ADH1A: variants seen among roughly 807,000 people sequenced by gnomAD.
ADH1A encodes the protein alcohol dehydrogenase 1A.
In ADH1A, 29 loss-of-function variants were observed where a neutral mutation model predicts 35.2. That is an observed-to-expected ratio of 0.82 (90% CI 0.61 to 1.12). The LOEUF (loss-of-function observed/expected upper bound fraction) is 1.12, where lower values mean the gene tolerates loss of function less well. Among genes scored for constraint, ADH1A ranks in the 50% most tolerant of loss-of-function variants. ADH1A has a pLI of 0.00. For missense variants in ADH1A, 469 were observed against 464.7 expected (o/e 1.01, Z -0.09); for synonymous variants, 147 against 164.8 (o/e 0.89, Z 0.83).
In ADH1A at chr4:99,290,901, C is replaced by T. The variant is rs868239723; in HGVS notation, c.14G>A (p.Gly5Glu). 6.2e-7 allele frequency: 1 copy of T among 1,613,844 alleles called. No individual in the cohort carries two copies. Among genetic ancestry groups the T allele is most frequent in the Non-Finnish European group, 8.5e-7 (1 of 1,179,812 alleles). Residue 5 changes from glycine to glutamate, a missense_variant, in exon 1 of 9, where the codon GGA becomes GAA. Physicochemically the swap from Gly to Glu is moderately conservative, Grantham distance 98 (BLOSUM62 -2). Coordinates refer to ENST00000209668, the MANE Select transcript of ADH1A (RefSeq NM_000667.4). Reference sequence around the variant, plus strand: ...AGTAATATATTTTTTGCTTACTTTTCCTGCTGTGCTCATGTTGATTCTGTC... The same window carrying T: ...AGTAATATATTTTTTGCTTACTTTTTCTGCTGTGCTCATGTTGATTCTGTC... MSTA[G>E]KVIKCKAAVL...
chr4:99,280,097 A>G (rs1490493876), intron 7 of ADH1A, 47 bp downstream of exon 7: 2 of 1,610,940 alleles, frequency 1.2e-6, no homozygotes, highest in Non-Finnish European at 1.7e-6. Context: ...AAAAGGGGAG[A>G]TATGCTGAGG....
At chr4:99,287,703 C>T (rs1315768353) in intron 1 of ADH1A, 38 bp from the exon 2 acceptor site, 2 of 1,605,944 alleles carry the variant, frequency 1.2e-6, no homozygotes. Context: ...CAGTGTTCTC[C>T]CACGCTTGCA....
At chr4:99,288,034 A>G (rs33991678) in intron 1 of ADH1A, among the ~76,000 whole-genome samples, 41,944 of 152,000 alleles carry the variant, frequency 0.28, 7,119 homozygotes, top group Non-Finnish European at 0.39. Context: ...AGTCACCTTC[A>G]TTTTGCTGAC....
chr4:99,286,447 C>T (rs1733155419), intron 3 of ADH1A, among the ~76,000 whole-genome samples: 1 of 152,164 alleles, frequency 6.6e-6, no homozygotes, highest in Admixed American at 6.5e-5. Flanking sequence ...CAGCACAGAA[C>T]AATGTCCATA....
rs766571299 is a variant in ADH1A at position 99,279,475 on chromosome 4, G to A, written c.1054C>T (p.Pro352Ser). ...SLDALITHVL[P>S]FEKINEGFDL... is the part of the protein sequence containing the mutation. ...AATCCTTCATTTATTTTTTCAAAAG[G>A]TAAAACATGGGTTATTAATGCATCC... The change falls in exon 8 of 9, where the codon CCT becomes TCT. Residue 352 changes from proline (P) to serine (S), a missense_variant. By Grantham distance (74) the Pro-to-Ser change is moderately conservative. Coordinates refer to ENST00000209668, the MANE Select transcript of ADH1A (RefSeq NM_000667.4). 2.5e-5 allele frequency: 41 copies of A among 1,609,456 alleles called. No individual in the cohort carries two copies. Among genetic ancestry groups the A allele is most frequent in the Non-Finnish European group, 3.4e-5 (40 of 1,178,536 alleles).
rs777097821 is a variant in ADH1A, at chr4:99,280,147, C to G, written c.961G>C (p.Gly321Arg). The G allele has an allele frequency of 1.2e-6, 2 of 1,613,808 alleles. No individual in the cohort carries two copies. Among genetic ancestry groups the G allele is most frequent in the Non-Finnish European group, 1.7e-6 (2 of 1,179,806 alleles). Residue 321 changes from glycine (G) to arginine (R), a missense_variant, in exon 7 of 9, where the codon GGT becomes CGT. Gly to Arg is a moderately radical substitution (Grantham distance 125). Transcript: ENST00000209668. Reference protein sequence around the residue: ...TGRTWKGAILGGFKSKECVPK... With the variant: ...TGRTWKGAILRGFKSKECVPK... Reference sequence around the variant, plus strand: ...GCTCTGAAGCCTAACTACATACCACCAAGAATAGCTCCCTTCCAGGTACGT... The same window carrying G: ...GCTCTGAAGCCTAACTACATACCACGAAGAATAGCTCCCTTCCAGGTACGT...
chr4:99,277,355 A>T (rs2866151), intron 8 of ADH1A, among the ~76,000 whole-genome samples: 59,132 of 151,912 alleles, frequency 0.39, 12,611 homozygotes, highest in Admixed American at 0.51. Context: ...AGATTACAAA[A>T]GGAACATTTA....
At chr4:99,284,313 ATCT>A in intron 5 of ADH1A, 83 bp downstream of exon 5, 1 of 1,393,676 alleles carries the variant, frequency 7.2e-7, no homozygotes, top group Non-Finnish European at 1.0e-6. Context: ...TACAAAAATA[ATCT>A]TCGATTCTTG....
At chr4:99,288,064 A>G (rs1733201782) in intron 1 of ADH1A, among the ~76,000 whole-genome samples, 1 of 152,230 alleles carries the variant, frequency 6.6e-6, no homozygotes, top group South Asian at 2.1e-4. Context: ...GTCTGTTCAC[A>G]TAAAATACAC....
At chr4:99,287,506 GT>G in intron 2 of ADH1A, 57 bp downstream of exon 2, 1 of 1,553,426 alleles carries the variant, frequency 6.4e-7, no homozygotes. Context: ...GGTTGTTTCC[GT>G]TTTTTAACTT....
intron 6 of ADH1A, 44 bp from the exon 7 acceptor site, chr4:99,280,323 T>A: frequency 1.2e-6 from 2 of 1,611,156 alleles, no homozygotes; most frequent in Non-Finnish European, 1.7e-6. Flanking sequence ...TGGAGTCGCA[T>A]AGTTCCTATT....
At chr4:99,289,738 A>G (rs1202124490) in intron 1 of ADH1A, among the ~76,000 whole-genome samples, 1 of 152,218 alleles carries the variant, frequency 6.6e-6, no homozygotes. Context: ...TGTCTATTTC[A>G]TCAGTTATTA....
chr4:99,285,672 T>TG (rs1377541511), intron 3 of ADH1A, among the ~76,000 whole-genome samples: 1 of 152,122 alleles, frequency 6.6e-6, no homozygotes, highest in Admixed American at 6.6e-5. Context: ...AAACCCAAAT[T>TG]GGACAGTTCA....
intron 8 of ADH1A, among the ~76,000 whole-genome samples, chr4:99,277,543 A>C (rs1013121495): frequency 6.6e-6 from 1 of 152,100 alleles, no homozygotes; most frequent in Non-Finnish European, 1.5e-5. Context: ...GAAGAAAGTA[A>C]AGGTAATCCA....
chr4:99,290,060 G>A (rs1733255870), intron 1 of ADH1A, among the ~76,000 whole-genome samples: 1 of 152,052 alleles, frequency 6.6e-6, no homozygotes, highest in Non-Finnish European at 1.5e-5. Flanking sequence ...AAAAAGGACT[G>A]GAAATAGTTG....
chr4:99,276,498 C>T lies in ADH1A; in HGVS notation c.*126G>A. 1 of 849,202 alleles carries T rather than the reference C, an allele frequency of 1.2e-6. No individual in the cohort carries two copies. Among genetic ancestry groups the T allele is most frequent in the Non-Finnish European group, 1.9e-6 (1 of 516,216 alleles). The allele number at this position is 849,202 out of a possible 1,614,324, so 52.6% of individuals were successfully genotyped here. A position where few individuals can be genotyped will look rare whatever the true frequency, so the allele number is the denominator to read the frequency against. On this transcript the variant is annotated 3_prime_UTR_variant, in exon 9 of 9. Transcript: ENST00000209668. ...ATCAATTTCCATTTCTTTGGAAAGCCCCCAAATGTAATTTATTGATAAAAT... is the reference window on the plus strand; with the variant it reads ...ATCAATTTCCATTTCTTTGGAAAGCTCCCAAATGTAATTTATTGATAAAAT...
At chr4:99,283,506 G>A (rs28364318) in intron 5 of ADH1A, among the ~76,000 whole-genome samples, 5 of 124,944 alleles carry the variant, frequency 4.0e-5, no homozygotes, top group African/African-American at 1.6e-4. Flanking sequence ...TCACCAAGTG[G>A]TATGCAATAC....
Position 99,280,279 on chromosome 4 carries a change from T to C in ADH1A, c.829A>G (p.Met277Val). 6.2e-7 allele frequency: 1 copy of C among 1,613,172 alleles called. No homozygotes were observed. Among genetic ancestry groups the C allele is most frequent in the Non-Finnish European group, 8.5e-7 (1 of 1,179,796 alleles). Residue 277 changes from methionine to valine, a missense_variant and splice_region_variant, in exon 7 of 9, where the codon ATG (methionine) becomes GTG (valine). Met to Val is a conservative substitution (Grantham distance 21). Transcript: ENST00000209668. ...FEVIGRLDTMMASLLCCHEAC... is the reference protein window; with the variant it reads ...FEVIGRLDTMVASLLCCHEAC... ...TCATGACAACATAACAGGGAAGCCA[T>C]CTGGAATAAAGTGAACACTTAGCAT...
chr4:99,279,333 A>G, intron 8 of ADH1A, 93 bp downstream of exon 8: 1 of 1,462,224 alleles, frequency 6.8e-7, no homozygotes, highest in Non-Finnish European at 9.1e-7. Context: ...AAGGCACTCT[A>G]ATTTTTCTCA....
Sources: allele counts gnomAD v4.1 joint callset (sites outside exome capture counted in the v4.1 genomes callset), GRCh38; gene constraint gnomAD v4.1.1; transcripts MANE v1.5; gene names NCBI Gene and HGNC (gene_info 2026-07-23, HGNC 2026-07-21).